The following SGCZ variants were observed in gnomAD, a reference collection of about 807,000 sequenced individuals.
The protein encoded by SGCZ is sarcoglycan zeta, also known as zeta-sarcoglycan.
A neutral mutation model predicts 41.3 loss-of-function variants in SGCZ; 40 were observed. The observed-to-expected ratio is 0.97, with a 90% CI of 0.75 to 1.26. SGCZ has a LOEUF of 1.26. Among genes scored for constraint, SGCZ ranks in the 50% most tolerant of loss-of-function variants. The pLI, the probability that SGCZ is intolerant of heterozygous loss-of-function variation, is 0.00. For missense variants in SGCZ, 552 were observed against 369.8 expected, an observed-to-expected ratio of 1.49 and a Z score of -4.04; for synonymous variants, 206 against 137.5, an observed-to-expected ratio of 1.50 and a Z score of -3.49.
chr8:14,947,482 A>G (rs1212290992), intron 1 of SGCZ, among the ~76,000 whole-genome samples: 2 of 152,178 alleles, frequency 1.3e-5, no homozygotes, highest in African/African-American at 4.8e-5. Flanking sequence ...GATCCTTTAT[A>G]AAAGATGCTC....
At chr8:14,107,129 T>C (rs150094203) in intron 6 of SGCZ, among the ~76,000 whole-genome samples, 1 of 151,552 alleles carries the variant, frequency 6.6e-6, no homozygotes, top group Non-Finnish European at 1.5e-5. Context: ...GGCAGGAGAA[T>C]GGCGTGAACC....
At chr8:15,145,105 G>A (rs1172242529) in intron 1 of SGCZ, among the ~76,000 whole-genome samples, 1 of 152,128 alleles carries the variant, frequency 6.6e-6, no homozygotes, top group Non-Finnish European at 1.5e-5. Context: ...TTTGATCAGA[G>A]CAAATTATTC....
At chr8:14,964,801 AATCTGGGGGTGTACCACAGAACCCACT>A (rs1453210326) in intron 1 of SGCZ, among the ~76,000 whole-genome samples, 1 of 152,144 alleles carries the variant, frequency 6.6e-6, no homozygotes, top group African/African-American at 2.4e-5. Context: ...CTGAATGAGG[AATCTGGGGGTGTACCACAGAACCCACT>A]ACTTATATAC....
At chr8:14,666,564 C>T (rs937960871) in intron 1 of SGCZ, among the ~76,000 whole-genome samples, 5 of 151,440 alleles carry the variant, frequency 3.3e-5, no homozygotes, top group Admixed American at 2.6e-4. Context: ...ATTTGCCTGG[C>T]TTTTTTCTGT....
In SGCZ at chr8:14,166,234, A is replaced by AAAT. The variant is rs371408018; in HGVS notation, c.425-1535_425-1533dup. ...TCATGCTTTTTAAAAATTTTTAAAT[A>AAAT]AATACCTTTCCTTATATAATTTAAT... On this transcript the variant is annotated intron_variant, in intron 4 of 7. Coordinates refer to ENST00000382080, the MANE Select transcript of SGCZ (RefSeq NM_139167.4). 5.9e-5 allele frequency among the ~76,000 whole-genome samples: 9 copies of AAAT among 152,316 alleles called. No homozygotes were observed. In the East Asian group the frequency reaches 1.5e-3, roughly 26 times the overall value.
At chr8:14,373,294 C>G (rs753319135) in intron 2 of SGCZ, among the ~76,000 whole-genome samples, 28 of 152,154 alleles carry the variant, frequency 1.8e-4, no homozygotes, top group Non-Finnish European at 1.8e-4. Flanking sequence ...GCATAATTAA[C>G]AGTTTCATTT....
chr8:14,110,377 C>A (rs572885737), intron 5 of SGCZ, among the ~76,000 whole-genome samples: 5 of 152,116 alleles, frequency 3.3e-5, no homozygotes, highest in Admixed American at 2.0e-4. Context: ...CTTTCAAATA[C>A]ATAATGGCAT....
intron 1 of SGCZ, among the ~76,000 whole-genome samples, chr8:15,091,926 G>A (rs1020636682): frequency 6.6e-6 from 1 of 151,798 alleles, no homozygotes; most frequent in Non-Finnish European, 1.5e-5. Context: ...TTAATTTTTT[G>A]TGTATTTTGT....
intron 1 of SGCZ, among the ~76,000 whole-genome samples, chr8:14,981,536 A>G (rs544057496): frequency 2.7e-4 from 41 of 152,312 alleles, no homozygotes; most frequent in African/African-American, 9.4e-4. Flanking sequence ...AATTTCCTTA[A>G]CCATTTAAAC....
intron 1 of SGCZ, among the ~76,000 whole-genome samples, chr8:14,566,983 G>A (rs564184595): frequency 6.6e-6 from 1 of 152,324 alleles, no homozygotes; most frequent in African/African-American, 2.4e-5. Context: ...TTAGCACCCG[G>A]GCCAGCAGCT....
intron 2 of SGCZ, among the ~76,000 whole-genome samples, chr8:14,517,416 A>G (rs1272709218): frequency 6.6e-6 from 1 of 152,102 alleles, no homozygotes; most frequent in Non-Finnish European, 1.5e-5. Context: ...TTGAGACATA[A>G]TAATTTAAGT....
rs940822212 is a variant in SGCZ, at chr8:14,324,088, G to A, written c.336+15C>T. 2 of 1,558,132 alleles carry A rather than the reference G, an allele frequency of 1.3e-6. No homozygotes were observed. Among genetic ancestry groups the A allele is most frequent in the African/African-American group, 1.4e-5 (1 of 73,680 alleles). ...AAATTATCTTTTAGAGTAAGCCAAA[G>A]CCAGTATCACATACCTTTCGAGAAT... On this transcript the variant is annotated intron_variant, in intron 3 of 7. Transcript: ENST00000382080.
intron 1 of SGCZ, among the ~76,000 whole-genome samples, chr8:14,927,719 G>A (rs1186292188): frequency 1.3e-5 from 2 of 152,122 alleles, no homozygotes; most frequent in African/African-American, 4.8e-5. Flanking sequence ...GTAAAACATT[G>A]AGAAAAAGAA....
At position 14,087,501 on chromosome 8, in the gene SGCZ, C is replaced by T. The variant is rs187350732; in HGVS notation, c.*2942G>A. Among the ~76,000 whole-genome samples, 1 of 151,412 alleles carries T rather than the reference C, an allele frequency of 6.6e-6. No homozygotes were observed. The highest frequency in any genetic ancestry group is 2.4e-5 in the African/African-American group (1 of 41,302). On this transcript the variant is annotated 3_prime_UTR_variant, in exon 8 of 8. Transcript: ENST00000382080. ...TCCGTTTGTTCCTTCCTGGCGTACACTGAGTATGAAGTTATTAAGATACGG... is the reference window on the plus strand; with the variant it reads ...TCCGTTTGTTCCTTCCTGGCGTACATTGAGTATGAAGTTATTAAGATACGG...
At chr8:14,257,287 T>A (rs1799498616) in intron 3 of SGCZ, among the ~76,000 whole-genome samples, 1 of 151,636 alleles carries the variant, frequency 6.6e-6, no homozygotes, top group Non-Finnish European at 1.5e-5. Flanking sequence ...ACCGTGATTG[T>A]GCCACTCACT....
intron 1 of SGCZ, among the ~76,000 whole-genome samples, chr8:15,167,798 T>A (rs755225516): frequency 2.6e-5 from 4 of 152,214 alleles, no homozygotes; most frequent in Non-Finnish European, 4.4e-5. Flanking sequence ...TAACCCTGCT[T>A]GTTCCTGTGA....
At chr8:14,838,080 A>C (rs1802764411) in intron 1 of SGCZ, among the ~76,000 whole-genome samples, 1 of 152,324 alleles carries the variant, frequency 6.6e-6, no homozygotes, top group Admixed American at 6.5e-5. Flanking sequence ...TAAGTGAAAT[A>C]ATCCAGGCAC....
At chr8:14,823,055 TAAAAAA>T (rs34307530) in intron 1 of SGCZ, among the ~76,000 whole-genome samples, 94 of 75,484 alleles carry the variant, frequency 1.2e-3, no homozygotes, top group South Asian at 3.5e-3. Flanking sequence ...CCAATCCTCA[TAAAAAA>T]AAAAAAAAAA....
At chr8:14,588,044 A>C (rs1340788330) in intron 1 of SGCZ, among the ~76,000 whole-genome samples, 1 of 152,164 alleles carries the variant, frequency 6.6e-6, no homozygotes, top group Non-Finnish European at 1.5e-5. Context: ...ATTTTTATAC[A>C]GAATTAATTT....
Sources: gnomAD v4.1 joint callset for allele counts (sites outside exome capture counted in the v4.1 genomes callset) on GRCh38, gnomAD v4.1.1 for gene constraint, MANE v1.5 for transcripts, NCBI Gene and HGNC (gene_info 2026-07-23, HGNC 2026-07-21) for gene names.